Variants in NDUFS1 observed in about 807,000 individuals in gnomAD.
NDUFS1 encodes the protein NADH:ubiquinone oxidoreductase core subunit S1.
In NDUFS1, 61 loss-of-function variants were observed where a neutral mutation model predicts 84.4. The ratio of observed to expected loss-of-function variants is 0.72; its 90% CI spans 0.59 to 0.89. NDUFS1 has a LOEUF of 0.89. NDUFS1 is among the 40% of genes least tolerant of loss of function. NDUFS1 has a pLI of 0.00. For missense variants in NDUFS1, 891 were observed against 890.0 expected (o/e 1.00, Z -0.01); for synonymous variants, 275 against 290.0 (o/e 0.95, Z 0.53).
chr2:206,137,381 G>A (rs1691759890), intron 13 of NDUFS1, among the ~76,000 whole-genome samples: 1 of 152,016 alleles, frequency 6.6e-6, no homozygotes. Context: ...GGCTAAGGCA[G>A]GAGAATGAAC....
Position 206,126,757 on chromosome 2 carries a change from C to T in NDUFS1, c.1972G>A (p.Asp658Asn), listed in dbSNP as rs745539815. Residue 658 changes from aspartate to asparagine, a missense_variant, in exon 17 of 19, where the codon GAT becomes AAT. Coordinates refer to ENST00000233190, the MANE Select transcript of NDUFS1 (RefSeq NM_005006.7). Reference protein sequence around the residue: ...EVSPNLVRYDDIEGANYFQQA... With the variant: ...EVSPNLVRYDNIEGANYFQQA... ...TGGAAGTAATTAGCCCCTTCAATAT[C>T]ATCATATCGAACAAGATTAGGAGAG... 6.2e-7 allele frequency: 1 copy of T among 1,614,182 alleles called. No homozygotes were observed. Among genetic ancestry groups the T allele is most frequent in the South Asian group, 1.1e-5 (1 of 91,086 alleles).
chr2:206,138,415 C>T, intron 13 of NDUFS1, 70 bp downstream of exon 13: 4 of 1,538,984 alleles, frequency 2.6e-6, no homozygotes, highest in Non-Finnish European at 3.6e-6. Context: ...AGGATTATTA[C>T]AAAAACAGTT....
chr2:206,135,931 GAGA>G (rs1172504028), intron 13 of NDUFS1, among the ~76,000 whole-genome samples: 1 of 152,036 alleles, frequency 6.6e-6, no homozygotes, highest in Non-Finnish European at 1.5e-5. Flanking sequence ...GAACCACAAG[GAGA>G]AGGACACACA....
At chr2:206,147,976 G>C in intron 5 of NDUFS1, 142 bp from the exon 6 acceptor site, 2 of 782,438 alleles carry the variant, frequency 2.6e-6, no homozygotes, top group Non-Finnish European at 2.2e-6. Context: ...GCAGTGCAGT[G>C]GCACAATCTT....
intron 7 of NDUFS1, among the ~76,000 whole-genome samples, chr2:206,147,303 C>T (rs1166314143): frequency 1.3e-5 from 2 of 152,184 alleles, no homozygotes; most frequent in East Asian, 3.8e-4. Flanking sequence ...ATGTGTACAA[C>T]TCACCAAGTT....
chr2:206,145,542 G>C (rs1692123806), intron 8 of NDUFS1, among the ~76,000 whole-genome samples: 2 of 152,182 alleles, frequency 1.3e-5, no homozygotes, highest in African/African-American at 2.4e-5. Flanking sequence ...GATTCAACAA[G>C]AGGGGCAGGA....
Position 206,145,039 on chromosome 2 carries a change from T to TACA in NDUFS1, c.738-14_738-13insTGT, listed in dbSNP as rs746437744. 1 of 1,610,986 alleles carries TACA rather than the reference T, an allele frequency of 6.2e-7. No individual in the cohort carries two copies. The highest frequency in any genetic ancestry group is 8.5e-7 in the Non-Finnish European group (1 of 1,178,262). On this transcript the variant is annotated splice_polypyrimidine_tract_variant and intron_variant, in intron 8 of 18. Transcript: ENST00000233190. ...GGATTCTGTCTTTCTGAGAAACACATACGGTGTTTACTATGGTGCTTTTGG... is the reference window on the plus strand; with the variant it reads ...GGATTCTGTCTTTCTGAGAAACACATACAACGGTGTTTACTATGGTGCTTTTGG...
chr2:206,145,134 A>C, intron 8 of NDUFS1, 108 bp from the exon 9 acceptor site: 1 of 1,120,154 alleles, frequency 8.9e-7, no homozygotes, highest in Non-Finnish European at 1.3e-6. Context: ...TTTCTGAATT[A>C]CTTTAAAAAA....
chr2:206,147,395 TC>T, intron 7 of NDUFS1, 135 bp downstream of exon 7: 1 of 849,402 alleles, frequency 1.2e-6, no homozygotes, highest in Non-Finnish European at 1.8e-6. Context: ...CTTATTTTAT[TC>T]ATATATCAGA....
chr2:206,138,684 G>C (rs1691819461), intron 12 of NDUFS1, 70 bp from the exon 13 acceptor site: 3 of 1,451,910 alleles, frequency 2.1e-6, no homozygotes, highest in African/African-American at 2.8e-5. Context: ...TCAATCCTAA[G>C]TGATACATCT....
intron 1 of NDUFS1, among the ~76,000 whole-genome samples, chr2:206,156,217 C>T (rs1687646029): frequency 6.9e-6 from 1 of 144,478 alleles, no homozygotes. Context: ...GAGCCAAGAT[C>T]ACGCCACTGC....
At chr2:206,131,865 AG>A (rs1381859158) in intron 14 of NDUFS1, among the ~76,000 whole-genome samples, 1 of 151,882 alleles carries the variant, frequency 6.6e-6, no homozygotes, top group East Asian at 1.9e-4. Flanking sequence ...CTTGAACTTC[AG>A]GGATGGAGGT....
In NDUFS1 at chr2:206,115,966, CT is replaced by C; in HGVS notation, c.*8218del. On this transcript the variant is annotated 3_prime_UTR_variant, in exon 19 of 19. Coordinates refer to ENST00000233190, the MANE Select transcript of NDUFS1 (RefSeq NM_005006.7). The stretch of plus-strand genomic sequence containing the variant: ...TCATTAGAAAGTTAAAAGGCATCTT[CT>C]TTCATTAGCAGTGTTAACAGTAGTT... The C allele has an allele frequency of 1.5e-6, 1 of 688,438 alleles. No homozygotes were observed. Among genetic ancestry groups the C allele is most frequent in the East Asian group, 2.7e-5 (1 of 37,116 alleles). 42.6% of individuals were successfully genotyped at this position (688,438 alleles called of 1,614,324 possible).
In NDUFS1 at chr2:206,159,204, C is replaced by T. The variant is rs115084621; in HGVS notation, c.-5+137G>A. The T allele has an allele frequency of 4.9e-3, 7,364 of 1,501,116 alleles. 317 individuals are homozygous for T. The African/African-American group carries it at 0.092, about 19-fold the overall frequency. The allele number at this position is 1,501,116 out of a possible 1,614,324, so 93.0% of individuals were successfully genotyped here. A position where few individuals can be genotyped will look rare whatever the true frequency, so the allele number is the denominator to read the frequency against. ...CCATCTGCCGGCTCTCAGGGGCTTC[C>T]GAGGCGGCGGGGCGGGAGGCGGCGC... On this transcript the variant is annotated intron_variant, in intron 1 of 18. Transcript: ENST00000233190.
intron 9 of NDUFS1, among the ~76,000 whole-genome samples, chr2:206,144,656 A>T (rs1692090282): frequency 1.3e-5 from 2 of 152,146 alleles, no homozygotes; most frequent in South Asian, 4.1e-4. Flanking sequence ...GAATGTATCA[A>T]TCTACTTGAA....
At chr2:206,159,016 G>A (rs1268150679) in intron 1 of NDUFS1, 1 of 1,458,768 alleles carries the variant, frequency 6.9e-7, no homozygotes, top group South Asian at 1.2e-5. Flanking sequence ...GTCCTCTCCC[G>A]GGGAATAAAA....
chr2:206,128,021 T>A, intron 15 of NDUFS1, 49 bp from the exon 16 acceptor site: 1 of 1,576,762 alleles, frequency 6.3e-7, no homozygotes, highest in Non-Finnish European at 8.7e-7. Context: ...AAAAACTGAT[T>A]TTCTACTGTA....
chr2:206,157,242 C>CT (rs1559069046), intron 1 of NDUFS1, among the ~76,000 whole-genome samples: 10 of 152,314 alleles, frequency 6.6e-5, no homozygotes, highest in Non-Finnish European at 1.2e-4. Context: ...TGAGTCACCG[C>CT]GCCTGGCAGA....
Position 206,147,570 on chromosome 2 carries a change from G to T in NDUFS1, c.512C>A (p.Thr171Asn), listed in dbSNP as rs776915855. 2 of 1,614,010 alleles carry T rather than the reference G, an allele frequency of 1.2e-6. No homozygotes were observed. Among genetic ancestry groups the T allele is most frequent in the South Asian group, 1.1e-5 (1 of 91,090 alleles). ...EDKNIGPLVK[T>N]IMTRCIQCTR... ...ACACTGTATACATCTTGTCATGATGGTCTTTACCAATGGCCCAATGTTCTT... is the reference window on the plus strand; with the variant it reads ...ACACTGTATACATCTTGTCATGATGTTCTTTACCAATGGCCCAATGTTCTT... Residue 171 changes from threonine (T) to asparagine (N), a missense_variant, in exon 7 of 19, where the codon ACC (threonine) becomes AAC (asparagine). Physicochemically the swap from Thr to Asn is moderately conservative, Grantham distance 65. Transcript: ENST00000233190.
Sources: gnomAD v4.1 joint callset for allele counts (sites outside exome capture counted in the v4.1 genomes callset) on GRCh38, gnomAD v4.1.1 for gene constraint, MANE v1.5 for transcripts, NCBI Gene and HGNC (gene_info 2026-07-23, HGNC 2026-07-21) for gene names.